MYO5A: variants seen among roughly 807,000 people sequenced by gnomAD.
MYO5A encodes the protein unconventional myosin-Va.
A neutral mutation model predicts 249.7 loss-of-function variants in MYO5A; 98 were observed. The ratio of observed to expected loss-of-function variants is 0.39; its 90% CI spans 0.33 to 0.46. The LOEUF (loss-of-function observed/expected upper bound fraction) is 0.46. MYO5A is among the 20% of genes least tolerant of loss of function. MYO5A has a pLI of 0.98. For synonymous variants in MYO5A, 778 were observed against 810.6 expected, an observed-to-expected ratio of 0.96 and a Z score of 0.68; for missense variants, 1,696 against 2,308.8, an observed-to-expected ratio of 0.73 and a Z score of 5.44.
intron 3 of MYO5A, among the ~76,000 whole-genome samples, chr15:52,426,682 A>G (rs2075402683): frequency 6.6e-6 from 1 of 151,256 alleles, no homozygotes; most frequent in African/African-American, 2.4e-5. Flanking sequence ...CCAGGCTTGA[A>G]CTCCTGGGCT....
In MYO5A at chr15:52,319,142, A is replaced by C. The variant is rs1172360198; in HGVS notation, c.5152T>G (p.Phe1718Val). Residue 1718 changes from phenylalanine (F) to valine (V), a missense_variant, in exon 39 of 42, where the codon TTC becomes GTC. Phe to Val is a conservative substitution (Grantham distance 50, BLOSUM62 -1). Transcript: ENST00000399233. ...ELIKQVVKQMFYIIGAITLNN... is the reference protein window; with the variant it reads ...ELIKQVVKQMVYIIGAITLNN... ...AGGGTGATGGCCCCTATGATGTAGAACATCTGCTTGACCACCTGCTTGATC... is the reference window on the plus strand; with the variant it reads ...AGGGTGATGGCCCCTATGATGTAGACCATCTGCTTGACCACCTGCTTGATC... 1.9e-6 allele frequency: 3 copies of C among 1,614,050 alleles called. No homozygotes were observed. The Admixed American group carries it at 5.0e-5, about 27-fold the overall frequency.
intron 37 of MYO5A, among the ~76,000 whole-genome samples, chr15:52,322,741 C>T (rs750297361): frequency 2.0e-5 from 3 of 150,474 alleles, no homozygotes; most frequent in Non-Finnish European, 3.0e-5. Flanking sequence ...TTGGACAAAT[C>T]GAAAGACATG....
rs1471268511 is a variant in MYO5A at position 52,410,481 on chromosome 15, A to T, written c.613-5T>A. On this transcript the variant is annotated splice_polypyrimidine_tract_variant and splice_region_variant and intron_variant, in intron 5 of 41. Coordinates refer to ENST00000399233, the MANE Select transcript of MYO5A (RefSeq NM_001382347.1). ...TGTTTTAGCATTTCCAATGGACTAA[A>T]AAGCAAGGGAGAAAATAAGATTTTA... The T allele has an allele frequency of 1.2e-6, 2 of 1,610,628 alleles. No homozygotes were observed. Among genetic ancestry groups the T allele is most frequent in the Admixed American group, 3.3e-5 (2 of 60,012 alleles).
chr15:52,509,780 C>T (rs1210340029), intron 1 of MYO5A, among the ~76,000 whole-genome samples: 1 of 152,084 alleles, frequency 6.6e-6, no homozygotes, highest in Non-Finnish European at 1.5e-5. Context: ...ACTACATGGC[C>T]TGAATGATTC....
At position 52,376,054 on chromosome 15, in the gene MYO5A, C is replaced by T. The variant is rs111412816; in HGVS notation, c.2420+293G>A. 6.3e-3 allele frequency among the ~76,000 whole-genome samples: 954 copies of T among 152,264 alleles called. 10 individuals are homozygous for T. Among genetic ancestry groups the T allele is most frequent in the African/African-American group, 0.022 (900 of 41,540 alleles). On this transcript the variant is annotated intron_variant, in intron 19 of 41. Coordinates refer to ENST00000399233, the MANE Select transcript of MYO5A (RefSeq NM_001382347.1). ...GTCATTATTACCTAGCTCATATTCA[C>T]GACTGTTTTAATTGATACATGATTT...
intron 2 of MYO5A, among the ~76,000 whole-genome samples, chr15:52,429,244 G>A (rs2075464897): frequency 6.6e-6 from 1 of 152,070 alleles, no homozygotes; most frequent in Admixed American, 6.6e-5. Context: ...TTTTTTCTGT[G>A]CATATGCTTA....
chr15:52,419,666 G>A (rs2043692872), intron 4 of MYO5A, among the ~76,000 whole-genome samples: 1 of 152,166 alleles, frequency 6.6e-6, no homozygotes, highest in Non-Finnish European at 1.5e-5. Context: ...GAAAACAAGT[G>A]TTTCCTAGAG....
chr15:52,307,926 A>G lies in MYO5A; in HGVS notation c.*5770T>C, dbSNP rs749315527. 1 of 152,202 alleles carries G rather than the reference A, an allele frequency of 6.6e-6. No individual in the cohort carries two copies. Among genetic ancestry groups the G allele is most frequent in the Admixed American group, 6.5e-5 (1 of 15,286 alleles). The allele number at this position is 152,202 out of a possible 1,614,324, so 9.4% of individuals were successfully genotyped here. Reference sequence around the variant, plus strand: ...CATAAATTACAACATATATATCCACATTTAAAGAAAAAATTCACCATTTGT... The same window carrying G: ...CATAAATTACAACATATATATCCACGTTTAAAGAAAAAATTCACCATTTGT... On this transcript the variant is annotated 3_prime_UTR_variant, in exon 42 of 42. Coordinates refer to ENST00000399233, the MANE Select transcript of MYO5A (RefSeq NM_001382347.1).
intron 9 of MYO5A, among the ~76,000 whole-genome samples, chr15:52,402,466 C>G (rs1632403): frequency 6.6e-6 from 1 of 152,054 alleles, no homozygotes; most frequent in African/African-American, 2.4e-5. Context: ...GCTATGAAAC[C>G]CAAAGCTCAA....
At chr15:52,435,777 TACAGAC>T in intron 1 of MYO5A, 1 of 399,364 alleles carries the variant, frequency 2.5e-6, no homozygotes, top group South Asian at 1.9e-5. Flanking sequence ...TGGCAGCACT[TACAGAC>T]AAGTAGAGGC....
chr15:52,510,499 C>A (rs950923576), intron 1 of MYO5A, among the ~76,000 whole-genome samples: 1 of 152,210 alleles, frequency 6.6e-6, no homozygotes, highest in African/African-American at 2.4e-5. Context: ...CAGTCCCTGG[C>A]CTGTTAGGAA....
intron 4 of MYO5A, among the ~76,000 whole-genome samples, chr15:52,425,492 T>C (rs962568638): frequency 2.6e-5 from 4 of 152,166 alleles, no homozygotes; most frequent in African/African-American, 9.6e-5. Flanking sequence ...CCCAAGTAGC[T>C]GGGATTACAA....
chr15:52,474,602 C>T (rs1380787414), intron 1 of MYO5A, among the ~76,000 whole-genome samples: 9 of 151,982 alleles, frequency 5.9e-5, no homozygotes, highest in Non-Finnish European at 8.8e-5. Context: ...GCATGAAGGG[C>T]TGTTGAATTT....
intron 1 of MYO5A, among the ~76,000 whole-genome samples, chr15:52,460,582 C>T (rs1226489365): frequency 1.3e-5 from 2 of 152,202 alleles, no homozygotes; most frequent in Admixed American, 1.3e-4. Context: ...CTGCAGTGAG[C>T]CCAGATGGCG....
intron 9 of MYO5A, among the ~76,000 whole-genome samples, chr15:52,402,171 A>G (rs901522881): frequency 1.3e-5 from 2 of 152,184 alleles, no homozygotes; most frequent in Non-Finnish European, 2.9e-5. Context: ...AATTTAAGCT[A>G]TATTTTCTGT....
At chr15:52,440,592 C>T (rs2075766629) in intron 1 of MYO5A, among the ~76,000 whole-genome samples, 1 of 152,178 alleles carries the variant, frequency 6.6e-6, no homozygotes, top group African/African-American at 2.4e-5. Flanking sequence ...CTTTTGGTAT[C>T]TTACCATGAT....
In MYO5A at chr15:52,353,853, A is replaced by G. The variant is rs560361122; in HGVS notation, c.3567+18T>C. 23 of 1,613,088 alleles carry G rather than the reference A, an allele frequency of 1.4e-5. 1 individual carries two copies. The South Asian group carries it at 2.1e-4, about 15-fold the overall frequency. ...ATAAAGCCCAGCTTCAGCTCTGCGG[A>G]TGGGCTGTGCTGCGCACCTTGGCCT... On this transcript the variant is annotated intron_variant, in intron 26 of 41. Transcript: ENST00000399233.
At chr15:52,396,477 G>A (rs559836639) in intron 10 of MYO5A, 80 bp from the exon 11 acceptor site, 1 of 793,872 alleles carries the variant, frequency 1.3e-6, no homozygotes, top group Admixed American at 2.3e-5. Context: ...TACACATTAG[G>A]AAGAAAGAAG....
At chr15:52,488,689 G>A (rs1296579028) in intron 1 of MYO5A, among the ~76,000 whole-genome samples, 1 of 152,078 alleles carries the variant, frequency 6.6e-6, no homozygotes, top group East Asian at 1.9e-4. Flanking sequence ...GAAAATGTTG[G>A]GAAAAAGAAG....
Sources: allele counts gnomAD v4.1 joint callset (sites outside exome capture counted in the v4.1 genomes callset), GRCh38; gene constraint gnomAD v4.1.1; transcripts MANE v1.5; gene names NCBI Gene and HGNC (gene_info 2026-07-23, HGNC 2026-07-21).